DIP2B: variants seen among roughly 807,000 people sequenced by gnomAD.
The protein encoded by DIP2B is disco-interacting protein 2 homolog B.
In DIP2B, 76 loss-of-function variants were observed where a neutral mutation model predicts 198.0. The observed-to-expected ratio is 0.38, with a 90% CI of 0.32 to 0.46. The LOEUF (loss-of-function observed/expected upper bound fraction) is 0.46, where lower values mean the gene tolerates loss of function less well. DIP2B is among the 20% of genes least tolerant of loss of function. The pLI is 0.99. For synonymous variants in DIP2B, 701 were observed against 739.1 expected (o/e 0.95, Z 0.84); for missense variants, 1,559 against 1,978.4 (o/e 0.79, Z 4.02).
chr12:50,614,950 T>A (rs1235628771), intron 1 of DIP2B, among the ~76,000 whole-genome samples: 1 of 152,218 alleles, frequency 6.6e-6, no homozygotes, highest in African/African-American at 2.4e-5. Context: ...TTAAAAGCTT[T>A]CACTTTTTTT....
chr12:50,716,958 C>CTTTTTTTTGTTTTTTTTTTTTTTTTTT, intron 23 of DIP2B, among the ~76,000 whole-genome samples: 1 of 58,924 alleles, frequency 1.7e-5, no homozygotes, highest in Non-Finnish European at 3.0e-5. Flanking sequence ...CGAATTGTTG[C>CTTTTTTTTGTTTTTTTTTTTTTTTTTT]TTTTTTTTTT....
chr12:50,654,622 G>C (rs180842795), intron 3 of DIP2B, among the ~76,000 whole-genome samples: 18 of 152,168 alleles, frequency 1.2e-4, no homozygotes, highest in African/African-American at 4.3e-4. Context: ...CAAATGCTTG[G>C]ATTACAGGTA....
intron 5 of DIP2B, among the ~76,000 whole-genome samples, chr12:50,674,017 G>A (rs535083925): frequency 2.2e-4 from 33 of 152,168 alleles, no homozygotes; most frequent in Non-Finnish European, 3.4e-4. Flanking sequence ...TTCAAGATAC[G>A]AGTTTGGTCT....
intron 1 of DIP2B, among the ~76,000 whole-genome samples, chr12:50,521,130 G>A (rs933001169): frequency 7.7e-6 from 1 of 130,444 alleles, no homozygotes; most frequent in Non-Finnish European, 1.6e-5. Flanking sequence ...AATTTGAGAT[G>A]GAGTCTCCCT....
chr12:50,587,457 G>A (rs1170158109), intron 1 of DIP2B, among the ~76,000 whole-genome samples: 2 of 152,114 alleles, frequency 1.3e-5, no homozygotes, highest in African/African-American at 4.8e-5. Flanking sequence ...CTTACTAAAG[G>A]TTACATGACG....
intron 5 of DIP2B, among the ~76,000 whole-genome samples, chr12:50,672,403 A>G (rs527516335): frequency 6.6e-6 from 1 of 152,252 alleles, no homozygotes; most frequent in African/African-American, 2.4e-5. Flanking sequence ...AGATTTGCGT[A>G]TTCACCACCT....
intron 37 of DIP2B, among the ~76,000 whole-genome samples, chr12:50,744,148 C>G (rs895745458): frequency 1.6e-4 from 24 of 152,276 alleles, no homozygotes; most frequent in African/African-American, 5.5e-4. Context: ...ACTACGGGTG[C>G]TCACCACCAA....
At chr12:50,619,533 C>T (rs1227763318) in intron 1 of DIP2B, among the ~76,000 whole-genome samples, 1 of 152,148 alleles carries the variant, frequency 6.6e-6, no homozygotes, top group Admixed American at 6.5e-5. Context: ...CTTCTGGGTT[C>T]CAGAAGGTGC....
intron 1 of DIP2B, among the ~76,000 whole-genome samples, chr12:50,572,967 A>G (rs367791490): frequency 6.6e-6 from 1 of 152,226 alleles, no homozygotes; most frequent in Non-Finnish European, 1.5e-5. Flanking sequence ...CATCTTGGCT[A>G]GAGTGTGCTG....
intron 22 of DIP2B, among the ~76,000 whole-genome samples, chr12:50,712,647 A>G (rs1045349011): frequency 1.4e-5 from 2 of 145,776 alleles, no homozygotes; most frequent in Non-Finnish European, 3.0e-5. Flanking sequence ...GGTGGCTCAC[A>G]CCTGTAATCC....
chr12:50,744,972 G>A lies in DIP2B; in HGVS notation c.*133G>A, dbSNP rs564029288. On this transcript the variant is annotated 3_prime_UTR_variant, in exon 38 of 38. Transcript: ENST00000301180. ...TGATATTCTTCATCTCATCCTGTGGGATTCTGCAATCATAAAACACAGGAA... is the reference window on the plus strand; with the variant it reads ...TGATATTCTTCATCTCATCCTGTGGAATTCTGCAATCATAAAACACAGGAA... The A allele has an allele frequency of 1.9e-5, 22 of 1,131,954 alleles. No individual in the cohort carries two copies. In the African/African-American group the frequency reaches 2.9e-4, roughly 15 times the overall value. 70.1% of individuals were successfully genotyped at this position (1,131,954 alleles called of 1,614,324 possible). A position where few individuals can be genotyped will look rare whatever the true frequency, so the allele number is the denominator to read the frequency against.
At chr12:50,714,776 CA>C (rs145698488) in intron 23 of DIP2B, among the ~76,000 whole-genome samples, 180 bp downstream of exon 23, 9 of 150,762 alleles carry the variant, frequency 6.0e-5, no homozygotes, top group African/African-American at 2.2e-4. Context: ...CCTGTCTCTA[CA>C]AAAAAAAATG....
Position 50,708,607 on chromosome 12 carries a change from C to T in DIP2B, c.2649+45C>T, listed in dbSNP as rs1218521588. 4.8e-6 allele frequency: 7 copies of T among 1,462,830 alleles called. No homozygotes were observed. In the East Asian group the frequency reaches 1.5e-4, roughly 30 times the overall value. 90.6% of individuals were successfully genotyped at this position (1,462,830 alleles called of 1,614,324 possible). A position where few individuals can be genotyped will look rare whatever the true frequency, so the allele number is the denominator to read the frequency against. ...TGTGTCAGGTCAGCGGTGGCAGCAACCACTGCCTAAGCATTTCATTTTCTT... is the reference window on the plus strand; with the variant it reads ...TGTGTCAGGTCAGCGGTGGCAGCAATCACTGCCTAAGCATTTCATTTTCTT... On this transcript the variant is annotated intron_variant, in intron 22 of 37. Coordinates refer to ENST00000301180, the MANE Select transcript of DIP2B (RefSeq NM_173602.3).
At chr12:50,689,394 C>T (rs755422052) in intron 12 of DIP2B, among the ~76,000 whole-genome samples, 12 of 152,026 alleles carry the variant, frequency 7.9e-5, no homozygotes, top group African/African-American at 2.2e-4. Context: ...AAAAGGAGAC[C>T]GGCTTTACAG....
chr12:50,609,852 AT>A (rs1479236579), intron 1 of DIP2B, among the ~76,000 whole-genome samples: 1 of 152,158 alleles, frequency 6.6e-6, no homozygotes, highest in Non-Finnish European at 1.5e-5. Flanking sequence ...TTTTATAATG[AT>A]GTGTCCTGTT....
In DIP2B at chr12:50,671,229, A is replaced by G. The variant is rs759527287; in HGVS notation, c.471A>G (p.Gln157=). The change falls in exon 5 of 38, where the codon CAA becomes CAG. Residue 157 remains glutamine, a synonymous_variant. Coordinates refer to ENST00000301180, the MANE Select transcript of DIP2B (RefSeq NM_173602.3). ...AGGATGAGGGCTCTCTGAGACGCCA[A>G]GCTGCGCTCTCTGCTGCCTTGCAAC... The part of the protein sequence containing the change: ...ASEDEGSLRR[Q]AALSAALQQS... The G allele has an allele frequency of 2.5e-5, 40 of 1,614,066 alleles. No homozygotes were observed. Among genetic ancestry groups the G allele is most frequent in the Non-Finnish European group, 3.4e-5 (40 of 1,180,040 alleles).
chr12:50,718,827 T>A lies in DIP2B; in HGVS notation c.2961+9T>A. The A allele has an allele frequency of 6.2e-7, 1 of 1,613,626 alleles. No individual in the cohort carries two copies. The highest frequency in any genetic ancestry group is 1.7e-5 in the Admixed American group (1 of 59,986). On this transcript the variant is annotated intron_variant, in intron 24 of 37. Coordinates refer to ENST00000301180, the MANE Select transcript of DIP2B (RefSeq NM_173602.3). Reference sequence around the variant, plus strand: ...ATGATTTGGTGAGGAAGGTAAGTGTTCCTGAAGTGTTACCTTCTTACAGTC... The same window carrying A: ...ATGATTTGGTGAGGAAGGTAAGTGTACCTGAAGTGTTACCTTCTTACAGTC...
chr12:50,673,323 A>G (rs1163111408), intron 5 of DIP2B, among the ~76,000 whole-genome samples: 1 of 152,240 alleles, frequency 6.6e-6, no homozygotes, highest in Non-Finnish European at 1.5e-5. Context: ...AAAAACTTAG[A>G]AGAAAACATC....
intron 3 of DIP2B, among the ~76,000 whole-genome samples, chr12:50,645,602 C>T (rs1938336070): frequency 6.6e-6 from 1 of 151,892 alleles, no homozygotes; most frequent in African/African-American, 2.4e-5. Context: ...GAAGTACAGG[C>T]ACATGCTACT....
Sources: gnomAD v4.1 joint callset for allele counts (sites outside exome capture counted in the v4.1 genomes callset) on GRCh38, gnomAD v4.1.1 for gene constraint, MANE v1.5 for transcripts, NCBI Gene and HGNC (gene_info 2026-07-23, HGNC 2026-07-21) for gene names.